TRPM7: variants seen among roughly 807,000 people sequenced by gnomAD.
The protein encoded by TRPM7 is transient receptor potential cation channel subfamily M member 7.
A neutral mutation model predicts 229.7 loss-of-function variants in TRPM7; 134 were observed. The observed-to-expected ratio is 0.58, with a 90% confidence interval of 0.51 to 0.67. The LOEUF is 0.67. Ranked by LOEUF, TRPM7 falls within the 30% of genes least tolerant of loss-of-function variation. The probability of loss-of-function intolerance (pLI) is 0.00; values close to 1 mark genes in which losing one functional copy is unlikely to be tolerated. For synonymous variants in TRPM7, 699 were observed against 715.2 expected, an observed-to-expected ratio of 0.98 and a Z score of 0.36; for missense variants, 1,901 against 2,210.0, an observed-to-expected ratio of 0.86 and a Z score of 2.80.
intron 12 of TRPM7, among the ~76,000 whole-genome samples, chr15:50,620,900 C>T (rs1364021896): frequency 1.3e-5 from 2 of 151,612 alleles, no homozygotes; most frequent in East Asian, 3.9e-4. Flanking sequence ...TCATTGCACT[C>T]CAGTCTCAGC....
Position 50,612,467 on chromosome 15 carries a change from AGTAC to A in TRPM7, c.2051+78_2051+81del. ...TATACATATAAATACATCACCATTA[AGTAC>A]GTGGCACTGTAACAGCCACTCAAAC... On this transcript the variant is annotated intron_variant, in intron 16 of 38. Transcript: ENST00000646667. 3 of 1,176,496 alleles carry A rather than the reference AGTAC, an allele frequency of 2.5e-6. No homozygotes were observed. In the Middle Eastern group the frequency reaches 6.8e-4, roughly 266 times the overall value. 72.9% of individuals were successfully genotyped at this position (1,176,496 alleles called of 1,614,324 possible).
chr15:50,636,348 G>A (rs1052191021), intron 7 of TRPM7, among the ~76,000 whole-genome samples: 7 of 151,896 alleles, frequency 4.6e-5, no homozygotes, highest in African/African-American at 1.5e-4. Flanking sequence ...ACGCCACCAC[G>A]CTCGGCTAAT....
At chr15:50,620,874 G>A (rs1019504991) in intron 12 of TRPM7, among the ~76,000 whole-genome samples, 7 of 151,890 alleles carry the variant, frequency 4.6e-5, no homozygotes, top group South Asian at 2.1e-4. Flanking sequence ...GGAGGTTGCG[G>A]TAAGCCGAGA....
In TRPM7 at chr15:50,612,761, T is replaced by C. The variant is rs1372484307; in HGVS notation, c.1839A>G (p.Pro613=). ...GTGGATAAGGAAAGCGCTTGGTTTC[T>C]GGATCATCAATGTCTACAATTTCAT... ...TKDEIVDIDD[P]ETKRFPYPLN... The change falls in exon 16 of 39, where the codon CCA becomes CCG. Residue 613 remains proline (P), a synonymous_variant. Coordinates refer to ENST00000646667, the MANE Select transcript of TRPM7 (RefSeq NM_017672.6). 5.6e-6 allele frequency: 9 copies of C among 1,614,180 alleles called. No individual in the cohort carries two copies. Among genetic ancestry groups the C allele is most frequent in the South Asian group, 1.1e-5 (1 of 91,082 alleles).
intron 19 of TRPM7, among the ~76,000 whole-genome samples, chr15:50,608,290 T>C (rs1267351852): frequency 6.7e-6 from 1 of 149,450 alleles, no homozygotes; most frequent in East Asian, 2.0e-4. Flanking sequence ...AGTATTTATT[T>C]CATTTCAGAG....
chr15:50,639,714 G>T (rs542967245), intron 5 of TRPM7, among the ~76,000 whole-genome samples, 166 bp from the exon 6 acceptor site: 1 of 151,088 alleles, frequency 6.6e-6, no homozygotes, highest in Non-Finnish European at 1.5e-5. Context: ...CTACAGGTGC[G>T]TGCTAAGACA....
chr15:50,568,870 C>G (rs1397450950), intron 38 of TRPM7, among the ~76,000 whole-genome samples: 1 of 151,882 alleles, frequency 6.6e-6, no homozygotes. Context: ...GTAGTCCCAG[C>G]TACTTGGGAG....
intron 23 of TRPM7, among the ~76,000 whole-genome samples, 153 bp from the exon 24 acceptor site, chr15:50,594,766 G>C (rs1437477874): frequency 6.6e-6 from 1 of 151,942 alleles, no homozygotes; most frequent in Non-Finnish European, 1.5e-5. Context: ...AACTAGAAAA[G>C]ATACAGGCAG....
intron 4 of TRPM7, among the ~76,000 whole-genome samples, chr15:50,647,276 T>C (rs914811627): frequency 6.6e-6 from 1 of 152,068 alleles, no homozygotes; most frequent in Admixed American, 6.6e-5. Flanking sequence ...GACTACAGGC[T>C]CGTGCCACCA....
intron 38 of TRPM7, among the ~76,000 whole-genome samples, chr15:50,563,766 T>C (rs562760509): frequency 6.6e-6 from 1 of 152,310 alleles, no homozygotes; most frequent in African/African-American, 2.4e-5. Context: ...CCAACACAAA[T>C]TCATAAACTT....
intron 13 of TRPM7, among the ~76,000 whole-genome samples, chr15:50,619,492 G>T (rs1392922184): frequency 6.6e-6 from 1 of 152,034 alleles, no homozygotes; most frequent in Non-Finnish European, 1.5e-5. Context: ...GAAATGCTGG[G>T]ATTACAGGTT....
chr15:50,593,497 T>A, intron 25 of TRPM7, 120 bp downstream of exon 25: 11 of 1,093,764 alleles, frequency 1.0e-5, no homozygotes, highest in Non-Finnish European at 1.5e-5. Flanking sequence ...ATACATCATG[T>A]AAAACTGTAA....
chr15:50,583,423 C>T (rs1343015971), intron 28 of TRPM7, among the ~76,000 whole-genome samples: 1 of 152,060 alleles, frequency 6.6e-6, no homozygotes, highest in African/African-American at 2.4e-5. Flanking sequence ...TCCCAATCAC[C>T]CTGACTGGGG....
intron 27 of TRPM7, 188 bp from the exon 28 acceptor site, chr15:50,586,676 C>T: frequency 2.2e-6 from 1 of 454,426 alleles, no homozygotes; most frequent in South Asian, 3.3e-5. Context: ...CACCAAAACA[C>T]CTTATTTTCC....
chr15:50,564,898 T>C (rs1032406948), intron 38 of TRPM7, among the ~76,000 whole-genome samples: 1 of 152,146 alleles, frequency 6.6e-6, no homozygotes, highest in Non-Finnish European at 1.5e-5. Flanking sequence ...AACACAATTA[T>C]AGCTCACCTT....
chr15:50,658,800 T>G (rs779140656), intron 2 of TRPM7, among the ~76,000 whole-genome samples: 1 of 152,178 alleles, frequency 6.6e-6, no homozygotes, highest in Non-Finnish European at 1.5e-5. Context: ...CTGCAGAATT[T>G]TTTTCCTAAC....
In TRPM7 at chr15:50,599,355, T is replaced by C. The variant is rs1170167884; in HGVS notation, c.2989-59A>G. On this transcript the variant is annotated intron_variant, in intron 21 of 38. Coordinates refer to ENST00000646667, the MANE Select transcript of TRPM7 (RefSeq NM_017672.6). Reference sequence around the variant, plus strand: ...AAGTTTAAACACTATGACAAATCTTTCTAAAAGCTTCTAATGTTCTAATAG... The same window carrying C: ...AAGTTTAAACACTATGACAAATCTTCCTAAAAGCTTCTAATGTTCTAATAG... The C allele has an allele frequency of 3.9e-6, 5 of 1,275,634 alleles. No individual in the cohort carries two copies. The Admixed American group carries it at 9.5e-5, about 24-fold the overall frequency. 79.0% of individuals were successfully genotyped at this position (1,275,634 alleles called of 1,614,324 possible).
intron 3 of TRPM7, among the ~76,000 whole-genome samples, chr15:50,649,787 G>A (rs12899074): frequency 0.08 from 12,106 of 152,198 alleles, 574 homozygotes; most frequent in South Asian, 0.12. Context: ...AATCAGATGA[G>A]AGTTTGAGGA....
intron 10 of TRPM7, among the ~76,000 whole-genome samples, chr15:50,630,611 C>A (rs1359287756): frequency 1.4e-4 from 21 of 152,148 alleles, no homozygotes; most frequent in Non-Finnish European, 8.8e-5. Context: ...AAAATCCTAT[C>A]TTTATATTCT....
Sources: gnomAD v4.1 joint callset for allele counts (sites outside exome capture counted in the v4.1 genomes callset) on GRCh38, gnomAD v4.1.1 for gene constraint, MANE v1.5 for transcripts, NCBI Gene and HGNC (gene_info 2026-07-23, HGNC 2026-07-21) for gene names.